Variants in MGMT observed in about 807,000 individuals in gnomAD.
MGMT encodes the protein O-6-methylguanine-DNA methyltransferase.
In MGMT, 14 loss-of-function variants were observed where a neutral mutation model predicts 15.9. The observed-to-expected ratio is 0.88, with a 90% confidence interval of 0.58 to 1.37. The LOEUF (loss-of-function observed/expected upper bound fraction) is 1.37, where lower values mean the gene tolerates loss of function less well. Among genes scored for constraint, MGMT ranks in the 40% most tolerant of loss-of-function variants. MGMT has a pLI of 0.00. For missense variants in MGMT, 282 were observed against 268.1 expected, an observed-to-expected ratio of 1.05 and a Z score of -0.36; for synonymous variants, 130 against 118.2, an observed-to-expected ratio of 1.10 and a Z score of -0.65.
intron 3 of MGMT, among the ~76,000 whole-genome samples, chr10:129,741,913 C>A (rs554382414): frequency 1.5e-3 from 221 of 152,346 alleles, no homozygotes; most frequent in African/African-American, 5.1e-3. Context: ...CCCCATCAGC[C>A]AGGTCAGGCC....
At chr10:129,630,044 TGA>T (rs1199495687) in intron 2 of MGMT, among the ~76,000 whole-genome samples, 2 of 152,160 alleles carry the variant, frequency 1.3e-5, no homozygotes, top group Non-Finnish European at 2.9e-5. Context: ...GTGGAAGCGG[TGA>T]GAGGGCCTGG....
rs891953382 is a variant in MGMT, at chr10:129,508,000, G to A, written c.-12-28241G>A. Among the ~76,000 whole-genome samples, 9 of 152,222 alleles carry A rather than the reference G, an allele frequency of 5.9e-5. 1 individual carries two copies. The highest frequency in any genetic ancestry group is 1.3e-4 in the Admixed American group (2 of 15,296). ...ACTAAGTCCTTTGCAGGGAGGTGAC[G>A]CCCTTTGTTCTGTGACATTTTTGTT... On this transcript the variant is annotated intron_variant, in intron 1 of 4. Transcript: ENST00000651593.
At chr10:129,652,440 T>A (rs1358530562) in intron 2 of MGMT, among the ~76,000 whole-genome samples, 1 of 152,188 alleles carries the variant, frequency 6.6e-6, no homozygotes, top group Non-Finnish European at 1.5e-5. Context: ...TTTCTGACCC[T>A]CCTGAGGGAA....
intron 1 of MGMT, among the ~76,000 whole-genome samples, chr10:129,488,004 TACAC>T (rs373298935): frequency 0.041 from 4,990 of 121,398 alleles, 217 homozygotes; most frequent in African/African-American, 0.14. Flanking sequence ...CACATAGGTA[TACAC>T]ACACACACAC....
intron 1 of MGMT, among the ~76,000 whole-genome samples, chr10:129,529,708 A>G (rs1009486445): frequency 6.6e-6 from 1 of 152,198 alleles, no homozygotes; most frequent in Non-Finnish European, 1.5e-5. Flanking sequence ...TATTCAGAAA[A>G]GCATTAACCA....
intron 2 of MGMT, among the ~76,000 whole-genome samples, chr10:129,586,749 A>T (rs2133050821): frequency 6.6e-6 from 1 of 152,362 alleles, no homozygotes; most frequent in Non-Finnish European, 1.5e-5. Flanking sequence ...GTAAACACCT[A>T]GGAGTGGATC....
intron 3 of MGMT, among the ~76,000 whole-genome samples, chr10:129,722,285 A>G (rs559895391): frequency 1.3e-5 from 2 of 152,298 alleles, no homozygotes; most frequent in South Asian, 2.1e-4. Flanking sequence ...CAGTTGCTTT[A>G]TGTATTTAAC....
intron 3 of MGMT, among the ~76,000 whole-genome samples, chr10:129,732,141 G>A (rs1404837597): frequency 2.2e-5 from 3 of 135,246 alleles, no homozygotes; most frequent in African/African-American, 8.0e-5. Flanking sequence ...GATATGTTGT[G>A]GGCTCCTCCT....
chr10:129,740,106 C>T (rs779567521), intron 3 of MGMT, among the ~76,000 whole-genome samples: 1 of 152,238 alleles, frequency 6.6e-6, no homozygotes, highest in Non-Finnish European at 1.5e-5. Context: ...AGCCAAGAAT[C>T]AGTCTGCAGG....
At chr10:129,651,806 A>C (rs1479803133) in intron 2 of MGMT, among the ~76,000 whole-genome samples, 2 of 152,354 alleles carry the variant, frequency 1.3e-5, no homozygotes, top group East Asian at 3.9e-4. Context: ...TGAGTTCTTC[A>C]TTCGAGAGCA....
intron 2 of MGMT, among the ~76,000 whole-genome samples, chr10:129,559,180 A>G (rs1280410901): frequency 1.3e-5 from 2 of 152,294 alleles, no homozygotes; most frequent in East Asian, 3.9e-4. Context: ...CACTGATACT[A>G]AGAGTGATTA....
intron 2 of MGMT, among the ~76,000 whole-genome samples, chr10:129,594,666 C>T (rs755654155): frequency 6.6e-6 from 1 of 152,152 alleles, no homozygotes; most frequent in Non-Finnish European, 1.5e-5. Flanking sequence ...AAAGACAATA[C>T]GAACAGTAAC....
intron 2 of MGMT, among the ~76,000 whole-genome samples, chr10:129,596,375 T>TA (rs1431753589): frequency 6.6e-6 from 1 of 152,190 alleles, no homozygotes; most frequent in African/African-American, 2.4e-5. Flanking sequence ...TGTTTATAAA[T>TA]ACAGTGAAAT....
chr10:129,582,006 C>T (rs776160794), intron 2 of MGMT, among the ~76,000 whole-genome samples: 6 of 152,138 alleles, frequency 3.9e-5, no homozygotes, highest in Admixed American at 6.5e-5. Flanking sequence ...CCAGGGTGTG[C>T]GAGCCACGTG....
chr10:129,644,586 AG>A (rs1847365190), intron 2 of MGMT, among the ~76,000 whole-genome samples: 1 of 152,164 alleles, frequency 6.6e-6, no homozygotes, highest in African/African-American at 2.4e-5. Context: ...AGCCCGTGGA[AG>A]GGCCGAGCCT....
chr10:129,722,394 A>G (rs1848382354), intron 3 of MGMT, among the ~76,000 whole-genome samples: 1 of 152,210 alleles, frequency 6.6e-6, no homozygotes, highest in South Asian at 2.1e-4. Flanking sequence ...ACCTAAGTAA[A>G]TGGATCTTTA....
chr10:129,693,312 A>G (rs1847991212), intron 2 of MGMT, among the ~76,000 whole-genome samples: 1 of 152,212 alleles, frequency 6.6e-6, no homozygotes, highest in South Asian at 2.1e-4. Flanking sequence ...CCACTTCTGT[A>G]ATATTAATTT....
intron 3 of MGMT, among the ~76,000 whole-genome samples, chr10:129,731,923 G>A (rs761153106): frequency 3.4e-4 from 52 of 152,062 alleles, no homozygotes; most frequent in Middle Eastern, 3.2e-3. Flanking sequence ...GTCACATCAC[G>A]TAGCCCCCAG....
chr10:129,530,850 G>A, intron 1 of MGMT, among the ~76,000 whole-genome samples: 1 of 152,268 alleles, frequency 6.6e-6, no homozygotes, highest in Non-Finnish European at 1.5e-5. Flanking sequence ...GTGGCTCCTC[G>A]CCCGGGGGCC....
Sources: gnomAD v4.1 joint callset for allele counts (sites outside exome capture counted in the v4.1 genomes callset) on GRCh38, gnomAD v4.1.1 for gene constraint, MANE v1.5 for transcripts, NCBI Gene and HGNC (gene_info 2026-07-23, HGNC 2026-07-21) for gene names.